The following GLYATL1 variants were observed in gnomAD, a reference collection of about 807,000 sequenced individuals.
GLYATL1 encodes glycine N-acyltransferase-like protein 1.
GLYATL1 carries 15 observed loss-of-function variants against 20.0 expected under a neutral mutation model. The ratio of observed to expected loss-of-function variants is 0.75; its 90% CI spans 0.50 to 1.15. The LOEUF (loss-of-function observed/expected upper bound fraction) is 1.15, where lower values mean the gene tolerates loss of function less well. GLYATL1 is among the 50% of genes most tolerant of loss of function. The pLI is 0.00. For synonymous variants in GLYATL1, 151 were observed against 131.5 expected, an observed-to-expected ratio of 1.15 and a Z score of -1.01; for missense variants, 380 against 368.5, an observed-to-expected ratio of 1.03 and a Z score of -0.26.
At chr11:58,920,637 C>G (rs182189630) in intron 1 of GLYATL1, among the ~76,000 whole-genome samples, 4 of 152,310 alleles carry the variant, frequency 2.6e-5, no homozygotes, top group African/African-American at 9.6e-5. Context: ...CTGGCACTGA[C>G]AAGATGGAGA....
chr11:58,933,500 T>A (rs182974916), intron 1 of GLYATL1: 2 of 152,334 alleles, frequency 1.3e-5, no homozygotes, highest in African/African-American at 4.8e-5. Context: ...ATGTATTATT[T>A]TTCTGATTAT....
chr11:58,942,427 G>A (rs1856225365), intron 1 of GLYATL1: 1 of 152,160 alleles, frequency 6.6e-6, no homozygotes, highest in Admixed American at 6.5e-5. Context: ...AATGTGAGAG[G>A]CCATGAAGAA....
At chr11:58,914,810 G>A (rs489782) in intron 1 of GLYATL1, among the ~76,000 whole-genome samples, 72,851 of 151,974 alleles carry the variant, frequency 0.48, 17,543 homozygotes, top group East Asian at 0.58. Context: ...GCATTATGGG[G>A]GTGGAGGCAA....
intron 4 of GLYATL1, among the ~76,000 whole-genome samples, chr11:58,948,465 C>A (rs992649169): frequency 2.0e-5 from 3 of 152,054 alleles, no homozygotes; most frequent in African/African-American, 7.2e-5. Flanking sequence ...ATAGTGAGAC[C>A]TCATCTCTAC....
chr11:58,924,672 C>G (rs1210783837), upstream of GLYATL1, among the ~76,000 whole-genome samples: 1 of 152,190 alleles, frequency 6.6e-6, no homozygotes. Context: ...TCCGGCTTTG[C>G]ATCCTAGAAT....
chr11:58,922,641 G>T (rs510360), upstream of GLYATL1, among the ~76,000 whole-genome samples: 72,715 of 151,914 alleles, frequency 0.48, 17,489 homozygotes, highest in East Asian at 0.58. Flanking sequence ...ATTGGAACAC[G>T]TGAGGTGACT....
At chr11:58,949,104 G>C (rs751500327) in intron 4 of GLYATL1, among the ~76,000 whole-genome samples, 1 of 152,220 alleles carries the variant, frequency 6.6e-6, no homozygotes, top group Non-Finnish European at 1.5e-5. Context: ...AAATGATGGA[G>C]CTGAAATGGT....
chr11:58,919,274 C>T (rs990210813), intron 1 of GLYATL1, among the ~76,000 whole-genome samples: 4 of 152,166 alleles, frequency 2.6e-5, no homozygotes, highest in Admixed American at 6.5e-5. Flanking sequence ...AATAAGTTCT[C>T]CTAGGGTGAA....
intron 1 of GLYATL1, among the ~76,000 whole-genome samples, chr11:58,917,960 A>C (rs1266804879): frequency 6.6e-6 from 1 of 151,918 alleles, no homozygotes; most frequent in African/African-American, 2.4e-5. Context: ...TTTAAATTTT[A>C]TTTTTCTTTC....
intron 2 of GLYATL1, chr11:58,946,792 C>T (rs1856595688): frequency 3.8e-6 from 2 of 528,796 alleles, no homozygotes; most frequent in Non-Finnish European, 6.8e-6. Flanking sequence ...TTAATATTCA[C>T]TTTTAATTCT....
At chr11:58,926,331 G>A (rs983573330), upstream of GLYATL1, among the ~76,000 whole-genome samples, 5 of 152,310 alleles carry the variant, frequency 3.3e-5, no homozygotes, top group Admixed American at 6.5e-5. Context: ...AGGTCTGCTC[G>A]TTCATTGACA....
At chr11:58,946,261 G>C (rs1474318371) in intron 2 of GLYATL1, among the ~76,000 whole-genome samples, 1 of 152,162 alleles carries the variant, frequency 6.6e-6, no homozygotes, top group Non-Finnish European at 1.5e-5. Context: ...ATTACATTGT[G>C]TAATCTCAAT....
At chr11:58,945,481 T>C (rs760340886) in intron 2 of GLYATL1, among the ~76,000 whole-genome samples, 22 of 152,096 alleles carry the variant, frequency 1.4e-4, no homozygotes, top group Non-Finnish European at 3.1e-4. Context: ...TGGACAAAGA[T>C]TGGCAGCTGA....
chr11:58,948,817 A>G (rs1382636967), intron 4 of GLYATL1, among the ~76,000 whole-genome samples: 1 of 152,232 alleles, frequency 6.6e-6, no homozygotes, highest in Non-Finnish European at 1.5e-5. Flanking sequence ...CAACATTGAG[A>G]AATATTAAGT....
chr11:58,952,885 A>G (rs1050820568), intron 4 of GLYATL1, among the ~76,000 whole-genome samples: 1 of 152,246 alleles, frequency 6.6e-6, no homozygotes, highest in Non-Finnish European at 1.5e-5. Context: ...TCTTACAGAA[A>G]TTAAAACAGA....
rs1285606119 is a variant in GLYATL1, at chr11:58,943,527, G to A, written c.-166-16G>A. ...CTCCTTTAAGTTTAATTCAGCTGAA[G>A]TTTTTCTTTTATCAGATGGTGTCAC... On this transcript the variant is annotated splice_polypyrimidine_tract_variant and intron_variant, in intron 1 of 6. Transcript: ENST00000532726. 6.3e-7 allele frequency: 1 copy of A among 1,598,702 alleles called. No homozygotes were observed. Among genetic ancestry groups the A allele is most frequent in the Admixed American group, 1.7e-5 (1 of 57,266 alleles).
At chr11:58,909,631 GA>G (rs1447557834), downstream of GLYATL1, among the ~76,000 whole-genome samples, 2 of 152,186 alleles carry the variant, frequency 1.3e-5, no homozygotes, top group Non-Finnish European at 2.9e-5. Context: ...ATGTACACGT[GA>G]AAATATATTT....
At chr11:58,938,743 C>T (rs1224873799), upstream of GLYATL1, among the ~76,000 whole-genome samples, 1 of 152,154 alleles carries the variant, frequency 6.6e-6, no homozygotes, top group Non-Finnish European at 1.5e-5. Flanking sequence ...GAGGAAAGCA[C>T]AGGGGTCTAG....
At chr11:58,909,258 A>G (rs1201617656), downstream of GLYATL1, among the ~76,000 whole-genome samples, 1 of 152,204 alleles carries the variant, frequency 6.6e-6, no homozygotes, top group Non-Finnish European at 1.5e-5. Context: ...AAACAGAGGT[A>G]TTAGTCAAGG....
Sources: allele counts gnomAD v4.1 joint callset (sites outside exome capture counted in the v4.1 genomes callset), GRCh38; gene constraint gnomAD v4.1.1; transcripts MANE v1.5; gene names NCBI Gene and HGNC (gene_info 2026-07-23, HGNC 2026-07-21).